PELI2: variants seen among roughly 807,000 people sequenced by gnomAD.
PELI2 encodes E3 ubiquitin-protein ligase pellino homolog 2.
In PELI2, 23 loss-of-function variants were observed where a neutral mutation model predicts 42.3. That is an observed-to-expected ratio of 0.54 (90% CI 0.39 to 0.77). The LOEUF (loss-of-function observed/expected upper bound fraction) is 0.77. Among genes scored for constraint, PELI2 ranks in the 30% least tolerant of loss-of-function variants. The probability of loss-of-function intolerance (pLI) is 0.00; values close to 1 mark genes in which losing one functional copy is unlikely to be tolerated. For missense variants in PELI2, 463 were observed against 553.2 expected (o/e 0.84, Z 1.64); for synonymous variants, 245 against 212.2 (o/e 1.15, Z -1.34).
rs112615700 is a variant in PELI2, at chr14:56,213,978, A to G, written c.207+35514A>G. On this transcript the variant is annotated intron_variant, in intron 2 of 5. Coordinates refer to ENST00000267460, the MANE Select transcript of PELI2 (RefSeq NM_021255.3). The stretch of plus-strand genomic sequence containing the variant: ...GTGATTCTCCCACCTCAGCCTCTCA[A>G]GTAGCTGGAACTACAGGCATGCGAC... Among the ~76,000 whole-genome samples the G allele has an allele frequency of 4.6e-5, 7 of 152,192 alleles. No individual in the cohort carries two copies. In the South Asian group the frequency reaches 8.3e-4, roughly 18 times the overall value.
intron 1 of PELI2, among the ~76,000 whole-genome samples, chr14:56,125,423 G>GC (rs1391034212): frequency 1.3e-5 from 2 of 151,438 alleles, no homozygotes; most frequent in African/African-American, 4.9e-5. Flanking sequence ...GGCAGGGGGG[G>GC]GGTGAATTGG....
intron 2 of PELI2, among the ~76,000 whole-genome samples, chr14:56,266,220 A>G (rs1183325020): frequency 6.6e-6 from 1 of 152,038 alleles, no homozygotes; most frequent in East Asian, 1.9e-4. Context: ...TTCTAACTAT[A>G]AAGTAAAATC....
chr14:56,138,682 C>G (rs1883775603), intron 1 of PELI2, among the ~76,000 whole-genome samples: 2 of 152,156 alleles, frequency 1.3e-5, no homozygotes, highest in Non-Finnish European at 2.9e-5. Context: ...TTTCATCCAC[C>G]AAGCCTGTCT....
chr14:56,120,209 A>G (rs1315754917), intron 1 of PELI2, among the ~76,000 whole-genome samples: 1 of 152,228 alleles, frequency 6.6e-6, no homozygotes, highest in African/African-American at 2.4e-5. Flanking sequence ...GCCGCAGTTT[A>G]GTCTGTCTTA....
At chr14:56,223,482 TCG>T (rs1887223899) in intron 2 of PELI2, among the ~76,000 whole-genome samples, 1 of 152,204 alleles carries the variant, frequency 6.6e-6, no homozygotes, top group African/African-American at 2.4e-5. Context: ...TGGTCTCTAC[TCG>T]CATGTTGTCC....
intron 1 of PELI2, among the ~76,000 whole-genome samples, chr14:56,128,229 T>C (rs1306612496): frequency 6.6e-6 from 1 of 152,164 alleles, no homozygotes; most frequent in Non-Finnish European, 1.5e-5. Context: ...GGAGCCTACA[T>C]AAGGAAATGC....
intron 2 of PELI2, among the ~76,000 whole-genome samples, chr14:56,206,622 A>G (rs1430498858): frequency 1.3e-5 from 2 of 152,200 alleles, no homozygotes; most frequent in Non-Finnish European, 2.9e-5. Flanking sequence ...TTCCCTTCAG[A>G]TGTTTTAAAA....
At chr14:56,206,172 G>A (rs1405210606) in intron 2 of PELI2, among the ~76,000 whole-genome samples, 1 of 152,168 alleles carries the variant, frequency 6.6e-6, no homozygotes, top group Non-Finnish European at 1.5e-5. Context: ...AACTTCAGGA[G>A]CTTTCTCATC....
chr14:56,129,319 A>T (rs1238534572), intron 1 of PELI2, among the ~76,000 whole-genome samples: 3 of 152,228 alleles, frequency 2.0e-5, no homozygotes, highest in Non-Finnish European at 2.9e-5. Context: ...GCCAAAGAAC[A>T]GTTGCTCACA....
chr14:56,257,970 G>C (rs1304057104), intron 2 of PELI2, among the ~76,000 whole-genome samples: 1 of 152,186 alleles, frequency 6.6e-6, no homozygotes, highest in Non-Finnish European at 1.5e-5. Context: ...GTACTGTTTT[G>C]TTTGTGTGCA....
intron 2 of PELI2, among the ~76,000 whole-genome samples, chr14:56,183,335 A>G (rs535731309): frequency 2.6e-5 from 4 of 152,336 alleles, no homozygotes; most frequent in African/African-American, 9.6e-5. Context: ...ATCAAGAACA[A>G]TTTGATTATT....
At chr14:56,227,163 T>C (rs1458635708) in intron 2 of PELI2, among the ~76,000 whole-genome samples, 1 of 152,214 alleles carries the variant, frequency 6.6e-6, no homozygotes, top group Non-Finnish European at 1.5e-5. Flanking sequence ...AGTCATTAGG[T>C]GGGCCTGGGC....
intron 2 of PELI2, among the ~76,000 whole-genome samples, chr14:56,182,182 C>G (rs748969321): frequency 6.6e-6 from 1 of 151,822 alleles, no homozygotes; most frequent in Non-Finnish European, 1.5e-5. Flanking sequence ...AAAAGTGGTG[C>G]GAGAGCTGTG....
At chr14:56,159,097 T>A (rs1189388915) in intron 1 of PELI2, among the ~76,000 whole-genome samples, 2 of 152,236 alleles carry the variant, frequency 1.3e-5, no homozygotes, top group Non-Finnish European at 2.9e-5. Context: ...AGGAAGCTGC[T>A]TAAGTTAATT....
rs72720006 is a variant in PELI2 at position 56,248,766 on chromosome 14, G to A, written c.208-30910G>A. On this transcript the variant is annotated intron_variant, in intron 2 of 5. Coordinates refer to ENST00000267460, the MANE Select transcript of PELI2 (RefSeq NM_021255.3). ...CAGGCTCAGGCACAGAGGAGACACC[G>A]AGAGGGCTGTTGCTGCTCCTTAGTA... 6.1e-3 allele frequency among the ~76,000 whole-genome samples: 922 copies of A among 152,044 alleles called. 4 individuals carry two copies. The highest frequency in any genetic ancestry group is 9.2e-3 in the Non-Finnish European group (624 of 67,948).
chr14:56,168,337 TC>T, intron 1 of PELI2, among the ~76,000 whole-genome samples: 1 of 152,220 alleles, frequency 6.6e-6, no homozygotes, highest in South Asian at 2.1e-4. Flanking sequence ...ACCTTAGAAG[TC>T]TACCTGGTGT....
chr14:56,234,883 A>T (rs1439113484), intron 2 of PELI2, among the ~76,000 whole-genome samples: 2 of 152,106 alleles, frequency 1.3e-5, no homozygotes, highest in African/African-American at 2.4e-5. Flanking sequence ...TAGCATGGGG[A>T]TGGAGGGCTG....
intron 1 of PELI2, among the ~76,000 whole-genome samples, chr14:56,161,954 A>G (rs1381336945): frequency 6.6e-6 from 1 of 152,084 alleles, no homozygotes; most frequent in Non-Finnish European, 1.5e-5. Flanking sequence ...AGACTTTCCC[A>G]TATGCAACAT....
At chr14:56,139,136 T>TA (rs1259873493) in intron 1 of PELI2, among the ~76,000 whole-genome samples, 1 of 152,138 alleles carries the variant, frequency 6.6e-6, no homozygotes, top group Non-Finnish European at 1.5e-5. Flanking sequence ...CCCTAAATGA[T>TA]AGGGCATTAC....
Sources: gnomAD v4.1 joint callset for allele counts (sites outside exome capture counted in the v4.1 genomes callset) on GRCh38, gnomAD v4.1.1 for gene constraint, MANE v1.5 for transcripts, NCBI Gene and HGNC (gene_info 2026-07-23, HGNC 2026-07-21) for gene names.